AP1AR: variants seen among roughly 807,000 people sequenced by gnomAD.
AP1AR encodes the protein adaptor related protein complex 1 associated regulatory protein.
In AP1AR, 29 loss-of-function variants were observed where a neutral mutation model predicts 46.3. The observed-to-expected ratio is 0.63, with a 90% CI of 0.47 to 0.85. The LOEUF is 0.85. Among genes scored for constraint, AP1AR ranks in the 40% least tolerant of loss-of-function variants. The pLI is 0.00. For synonymous variants in AP1AR, 122 were observed against 122.9 expected (o/e 0.99, Z 0.05); for missense variants, 357 against 356.3 (o/e 1.00, Z -0.02).
chr4:112,254,791 A>G lies in AP1AR; in HGVS notation c.159+18A>G. ...GTGATGAAGTAAGTATTTCCATAAT[A>G]GTACAAAACTTGTATTTGTTTTTCT... On this transcript the variant is annotated intron_variant, in intron 3 of 9. Transcript: ENST00000274000. 1.5e-6 allele frequency: 2 copies of G among 1,358,694 alleles called. No homozygotes were observed. The highest frequency in any genetic ancestry group is 3.1e-5 in the South Asian group (2 of 63,740). 84.2% of individuals were successfully genotyped at this position (1,358,694 alleles called of 1,614,324 possible).
rs754444264 is a variant in AP1AR, at chr4:112,268,407, T to C, written c.907T>C (p.Ter303GlnextTer5). 4 of 1,578,614 alleles carry C rather than the reference T, an allele frequency of 2.5e-6. No individual in the cohort carries two copies. Among genetic ancestry groups the C allele is most frequent in the Admixed American group, 3.6e-5 (2 of 54,966 alleles). ...RHSDTDQQTR[*>Q] Reference sequence around the variant, plus strand: ...TTCTGACACAGATCAACAGACTCGATAGGGTAAAATTGTGTGACCTTGTTT... The same window carrying C: ...TTCTGACACAGATCAACAGACTCGACAGGGTAAAATTGTGTGACCTTGTTT... Residue 303 changes from the stop codon to glutamine (Q), a stop_lost, in exon 10 of 10, where the codon TAG becomes CAG. Coordinates refer to ENST00000274000, the MANE Select transcript of AP1AR (RefSeq NM_018569.6).
rs543965053 is a variant in AP1AR at position 112,269,554 on chromosome 4, G to A, written c.*1145G>A. ...ATTTTAGTAAGCAAACTGTTTTTTG[G>A]TTTTTCCTTAATGTTTTTAATTTTT... On this transcript the variant is annotated 3_prime_UTR_variant, in exon 10 of 10. Coordinates refer to ENST00000274000, the MANE Select transcript of AP1AR (RefSeq NM_018569.6). The A allele has an allele frequency of 6.6e-6, 1 of 152,126 alleles. No homozygotes were observed. Among genetic ancestry groups the A allele is most frequent in the South Asian group, 2.1e-4 (1 of 4,816 alleles). 9.4% of individuals were successfully genotyped at this position (152,126 alleles called of 1,614,324 possible). A position where few individuals can be genotyped will look rare whatever the true frequency, so the allele number is the denominator to read the frequency against.
rs1726950380 is a variant in AP1AR at position 112,271,543 on chromosome 4, C to T, written c.*3134C>T. ...TGTCTGTGTAAATAATAAACTGTCTCAATCTATTTGGACTCATTGTCTCCC... is the reference window on the plus strand; with the variant it reads ...TGTCTGTGTAAATAATAAACTGTCTTAATCTATTTGGACTCATTGTCTCCC... On this transcript the variant is annotated 3_prime_UTR_variant, in exon 10 of 10. Coordinates refer to ENST00000274000, the MANE Select transcript of AP1AR (RefSeq NM_018569.6). Among the ~76,000 whole-genome samples the T allele has an allele frequency of 6.6e-6, 1 of 152,186 alleles. No homozygotes were observed. Among genetic ancestry groups the T allele is most frequent in the South Asian group, 2.1e-4 (1 of 4,830 alleles).
intron 1 of AP1AR, among the ~76,000 whole-genome samples, chr4:112,248,257 G>A (rs1171186026): frequency 1.3e-5 from 2 of 152,288 alleles, no homozygotes; most frequent in South Asian, 2.1e-4. Context: ...TGGACTAAAA[G>A]AGGTGCAAGA....
chr4:112,243,721 CTT>C (rs758860185), intron 1 of AP1AR, among the ~76,000 whole-genome samples: 1 of 150,726 alleles, frequency 6.6e-6, no homozygotes, highest in Non-Finnish European at 1.5e-5. Context: ...CTTTTTTTTT[CTT>C]TTTCTTTTAC....
At chr4:112,253,442 G>A in intron 2 of AP1AR, 186 bp downstream of exon 2, 1 of 559,800 alleles carries the variant, frequency 1.8e-6, no homozygotes, top group East Asian at 3.3e-5. Flanking sequence ...GAAGAAGTTT[G>A]CAGAGGATTA....
Position 112,241,434 on chromosome 4 carries a change from G to A in AP1AR, c.83+9260G>A, listed in dbSNP as rs1725492893. ...CTGGAGACCCAGGAAAGCTGGTCGT[G>A]TAAGTCTCAGTTCATGGGCGGAAGA... is the stretch of plus-strand genomic sequence containing the variant. On this transcript the variant is annotated intron_variant, in intron 1 of 9. Transcript: ENST00000274000. Among the ~76,000 whole-genome samples, 4 of 152,200 alleles carry A rather than the reference G, an allele frequency of 2.6e-5. No individual in the cohort carries two copies. In the South Asian group the frequency reaches 6.2e-4, roughly 24 times the overall value.
At chr4:112,254,825 G>A (rs377370315) in intron 3 of AP1AR, 52 bp downstream of exon 3, 15 of 935,724 alleles carry the variant, frequency 1.6e-5, no homozygotes, top group Middle Eastern at 2.5e-4. Flanking sequence ...CTCATTAATC[G>A]TCTCATTAGT....
intron 1 of AP1AR, among the ~76,000 whole-genome samples, chr4:112,235,867 C>G (rs1725217971): frequency 6.6e-6 from 1 of 152,164 alleles, no homozygotes; most frequent in Non-Finnish European, 1.5e-5. Context: ...ATTCTGTGTG[C>G]TAAGCTGTCT....
chr4:112,232,673 A>T (rs563952038), intron 1 of AP1AR, among the ~76,000 whole-genome samples: 1 of 152,334 alleles, frequency 6.6e-6, no homozygotes, highest in East Asian at 1.9e-4. Context: ...AAGGTTCCAG[A>T]TACTGATGAA....
At chr4:112,242,367 A>G (rs1725539862) in intron 1 of AP1AR, among the ~76,000 whole-genome samples, 1 of 151,642 alleles carries the variant, frequency 6.6e-6, no homozygotes, top group Non-Finnish European at 1.5e-5. Flanking sequence ...TTTCTTTTCT[A>G]CCCCTCTGAT....
chr4:112,234,192 C>A (rs1376584097), intron 1 of AP1AR, among the ~76,000 whole-genome samples: 1 of 152,170 alleles, frequency 6.6e-6, no homozygotes, highest in Admixed American at 6.5e-5. Context: ...GAAATACTTG[C>A]TTTGGAGTTC....
intron 1 of AP1AR, among the ~76,000 whole-genome samples, chr4:112,236,697 G>A (rs1203721378): frequency 6.6e-6 from 1 of 152,086 alleles, no homozygotes; most frequent in Admixed American, 6.6e-5. Context: ...CACTGCGCCC[G>A]GCCCTAAATT....
At chr4:112,237,861 C>T (rs1725321434) in intron 1 of AP1AR, among the ~76,000 whole-genome samples, 1 of 152,136 alleles carries the variant, frequency 6.6e-6, no homozygotes, top group South Asian at 2.1e-4. Context: ...CCCCTGAAAC[C>T]ATATTATCTC....
Position 112,254,774 on chromosome 4 carries a change from G to T in AP1AR, c.159+1G>T. The stretch of plus-strand genomic sequence containing the variant: ...TGAGAATCTAGTAGAAAGTGATGAA[G>T]TAAGTATTTCCATAATAGTACAAAA... On this transcript the variant is annotated splice_donor_variant, in intron 3 of 9. Transcript: ENST00000274000. LOFTEE classifies it high-confidence loss of function. 1 of 1,486,392 alleles carries T rather than the reference G, an allele frequency of 6.7e-7. No homozygotes were observed. The highest frequency in any genetic ancestry group is 9.1e-7 in the Non-Finnish European group (1 of 1,100,942). The allele number at this position is 1,486,392 out of a possible 1,614,324, so 92.1% of individuals were successfully genotyped here.
chr4:112,263,791 T>C (rs559153707), intron 6 of AP1AR, among the ~76,000 whole-genome samples: 1 of 152,360 alleles, frequency 6.6e-6, no homozygotes, highest in African/African-American at 2.4e-5. Context: ...TTTTAATCCC[T>C]GTTTTACAAA....
rs1356920598 is a variant in AP1AR at position 112,268,358 on chromosome 4, A to G, written c.858A>G (p.Glu286=). 2 of 1,611,884 alleles carry G rather than the reference A, an allele frequency of 1.2e-6. No homozygotes were observed. Among genetic ancestry groups the G allele is most frequent in the Non-Finnish European group, 1.7e-6 (2 of 1,178,794 alleles). Reference sequence around the variant, plus strand: ...CTGGATTTGTAAATCCTGTATTAGAACTGTCTGATTCTGGCATAAGGCATT... The same window carrying G: ...CTGGATTTGTAAATCCTGTATTAGAGCTGTCTGATTCTGGCATAAGGCATT... ...EYSGFVNPVL[E]LSDSGIRHSD... Residue 286 remains glutamate, a synonymous_variant, in exon 10 of 10, where the codon GAA becomes GAG. Transcript: ENST00000274000.
chr4:112,246,712 G>A (rs577423928), intron 1 of AP1AR, among the ~76,000 whole-genome samples: 3 of 152,236 alleles, frequency 2.0e-5, no homozygotes, highest in African/African-American at 7.2e-5. Flanking sequence ...TAGAATAACA[G>A]GGTGGGAGGT....
chr4:112,235,493 A>G (rs970944185), intron 1 of AP1AR, among the ~76,000 whole-genome samples: 1 of 152,140 alleles, frequency 6.6e-6, no homozygotes, highest in Non-Finnish European at 1.5e-5. Context: ...TTCCATTCCT[A>G]GTAAAAATGA....
Sources: gnomAD v4.1 joint callset for allele counts (sites outside exome capture counted in the v4.1 genomes callset) on GRCh38, gnomAD v4.1.1 for gene constraint, MANE v1.5 for transcripts, NCBI Gene and HGNC (gene_info 2026-07-23, HGNC 2026-07-21) for gene names.